Variants in PIBF1 observed in about 807,000 individuals in gnomAD.
PIBF1 encodes the protein progesterone immunomodulatory binding factor 1, also known as progesterone-induced-blocking factor 1.
In PIBF1, 90 loss-of-function variants were observed where a neutral mutation model predicts 112.5. The observed-to-expected ratio is 0.80, with a 90% confidence interval of 0.67 to 0.95. The LOEUF is 0.95. Ranked by LOEUF, PIBF1 falls within the 40% of genes least tolerant of loss-of-function variation. The pLI is 0.00. For missense variants in PIBF1, 915 were observed against 852.3 expected, an observed-to-expected ratio of 1.07 and a Z score of -0.92; for synonymous variants, 301 against 288.6, an observed-to-expected ratio of 1.04 and a Z score of -0.44.
chr13:72,973,528 C>G, intron 15 of PIBF1, 63 bp from the exon 16 acceptor site: 1 of 756,444 alleles, frequency 1.3e-6, no homozygotes, highest in Non-Finnish European at 2.2e-6. Flanking sequence ...TTAATATTTA[C>G]CATTTATTAA....
At chr13:72,914,447 C>A (rs758521225) in intron 12 of PIBF1, among the ~76,000 whole-genome samples, 1 of 151,986 alleles carries the variant, frequency 6.6e-6, no homozygotes, top group Non-Finnish European at 1.5e-5. Flanking sequence ...ATACTTATAA[C>A]CTTCACTAGG....
At chr13:72,994,034 C>A (rs2043565274) in intron 16 of PIBF1, among the ~76,000 whole-genome samples, 1 of 151,646 alleles carries the variant, frequency 6.6e-6, no homozygotes, top group African/African-American at 2.4e-5. Flanking sequence ...ATCCCTTGAG[C>A]CCCAGAGTGA....
chr13:72,849,508 G>A (rs956987304), intron 9 of PIBF1, among the ~76,000 whole-genome samples: 1 of 152,122 alleles, frequency 6.6e-6, no homozygotes, highest in African/African-American at 2.4e-5. Flanking sequence ...GAAAGTTATT[G>A]TCTTATCTGT....
intron 16 of PIBF1, among the ~76,000 whole-genome samples, chr13:72,975,799 T>G (rs948557678): frequency 2.0e-5 from 3 of 152,260 alleles, no homozygotes; most frequent in Admixed American, 2.0e-4. Context: ...TTCAAGTAAT[T>G]GTTTCTTCAC....
intron 16 of PIBF1, among the ~76,000 whole-genome samples, chr13:72,979,678 C>T (rs2043107515): frequency 6.6e-6 from 1 of 152,120 alleles, no homozygotes; most frequent in Non-Finnish European, 1.5e-5. Context: ...AATCCCAGCA[C>T]TTTCGGAGGC....
rs71099771 is a variant in PIBF1, at chr13:72,949,300, C to CTTTTTTTTTTTTTTTTTTT, written c.1834-15959_1834-15941dup. On this transcript the variant is annotated intron_variant, in intron 14 of 17. Transcript: ENST00000326291. Reference sequence around the variant, plus strand: ...AACTACTACCTAGACAAATAGCTGTCTTTTTTTTTTTTTTTTTTTTTTTTT... The same window carrying CTTTTTTTTTTTTTTTTTTT: ...AACTACTACCTAGACAAATAGCTGTCTTTTTTTTTTTTTTTTTTTTTTTTTTTTTTTTTTTTTTTTTTTT... Among the ~76,000 whole-genome samples, 11 of 54,980 alleles carry CTTTTTTTTTTTTTTTTTTT rather than the reference C, an allele frequency of 2.0e-4. 2 individuals carry two copies. Among genetic ancestry groups the CTTTTTTTTTTTTTTTTTTT allele is most frequent in the Non-Finnish European group, 2.5e-4 (8 of 31,598 alleles). The allele number at this position is 54,980 out of a possible 152,430, so 36.1% of individuals were successfully genotyped here.
intron 10 of PIBF1, among the ~76,000 whole-genome samples, chr13:72,879,353 C>T (rs536676366): frequency 6.6e-6 from 1 of 152,124 alleles, no homozygotes; most frequent in Non-Finnish European, 1.5e-5. Context: ...GATCTACAAT[C>T]CTCCCAACCA....
At chr13:72,812,526 G>A (rs1035503760) in intron 5 of PIBF1, among the ~76,000 whole-genome samples, 7 of 152,074 alleles carry the variant, frequency 4.6e-5, no homozygotes, top group African/African-American at 1.7e-4. Flanking sequence ...GAGCTCAGGA[G>A]TTCGAGACCA....
At chr13:72,784,188 AC>A (rs2034465119) in intron 2 of PIBF1, among the ~76,000 whole-genome samples, 1 of 151,822 alleles carries the variant, frequency 6.6e-6, no homozygotes, top group Admixed American at 6.6e-5. Flanking sequence ...CATGACATAT[AC>A]ACACAGTTTT....
chr13:72,877,956 TC>T, intron 10 of PIBF1, among the ~76,000 whole-genome samples: 1 of 151,798 alleles, frequency 6.6e-6, no homozygotes, highest in East Asian at 1.9e-4. Context: ...TCCATGTTGG[TC>T]AGGCTGGTCT....
chr13:72,936,006 C>T (rs1293848801), intron 14 of PIBF1, among the ~76,000 whole-genome samples: 1 of 133,006 alleles, frequency 7.5e-6, no homozygotes, highest in African/African-American at 2.7e-5. Context: ...TTAATGATGT[C>T]TTTTTATTTA....
At chr13:72,805,738 G>A (rs1283476314) in intron 5 of PIBF1, among the ~76,000 whole-genome samples, 1 of 152,200 alleles carries the variant, frequency 6.6e-6, no homozygotes, top group African/African-American at 2.4e-5. Flanking sequence ...ATCAAACAGA[G>A]CACTTGAAGT....
At chr13:72,784,667 G>A (rs1428391198) in intron 2 of PIBF1, among the ~76,000 whole-genome samples, 2 of 149,554 alleles carry the variant, frequency 1.3e-5, no homozygotes, top group Non-Finnish European at 1.5e-5. Flanking sequence ...GCTGAGGCGG[G>A]AGAATCACTT....
intron 1 of PIBF1, 29 bp from the exon 2 acceptor site, chr13:72,783,394 C>G: frequency 8.3e-6 from 8 of 965,746 alleles, no homozygotes; most frequent in Non-Finnish European, 1.3e-5. Flanking sequence ...TTTTATAGTA[C>G]ATTTGAATTA....
chr13:72,999,651 CTCAG>C (rs2043793178), intron 17 of PIBF1, among the ~76,000 whole-genome samples: 1 of 152,166 alleles, frequency 6.6e-6, no homozygotes, highest in Non-Finnish European at 1.5e-5. Context: ...AACTTCTGAT[CTCAG>C]TCATTTTATT....
chr13:73,004,418 G>A (rs2043965890), intron 17 of PIBF1, among the ~76,000 whole-genome samples: 1 of 151,578 alleles, frequency 6.6e-6, no homozygotes, highest in Non-Finnish European at 1.5e-5. Context: ...TTGAACCCAG[G>A]AGGCGGAGGT....
chr13:72,919,461 A>G (rs868849597), intron 13 of PIBF1, among the ~76,000 whole-genome samples: 3 of 152,212 alleles, frequency 2.0e-5, no homozygotes, highest in Non-Finnish European at 4.4e-5. Flanking sequence ...TTCCTCTAAA[A>G]GTCACAATGG....
intron 17 of PIBF1, among the ~76,000 whole-genome samples, chr13:73,009,382 A>G (rs1188164117): frequency 1.3e-5 from 2 of 152,198 alleles, no homozygotes; most frequent in Non-Finnish European, 2.9e-5. Context: ...CAACCTCTGC[A>G]CTTGATCTCA....
chr13:72,965,958 T>C (rs1304669295), intron 15 of PIBF1, among the ~76,000 whole-genome samples: 1 of 152,204 alleles, frequency 6.6e-6, no homozygotes, highest in Non-Finnish European at 1.5e-5. Context: ...AAATTTGCTA[T>C]GACCAGTTTG....
Sources: allele counts gnomAD v4.1 joint callset (sites outside exome capture counted in the v4.1 genomes callset), GRCh38; gene constraint gnomAD v4.1.1; transcripts MANE v1.5; gene names NCBI Gene and HGNC (gene_info 2026-07-23, HGNC 2026-07-21).